Variants in PLOD1 observed in about 807,000 individuals in gnomAD.
PLOD1 encodes lysine hydroxylase.
A neutral mutation model predicts 94.7 loss-of-function variants in PLOD1; 70 were observed. The ratio of observed to expected loss-of-function variants is 0.74; its 90% CI spans 0.61 to 0.90. The LOEUF is 0.90. PLOD1 is among the 40% of genes least tolerant of loss of function. The pLI is 0.00. For missense variants in PLOD1, 905 were observed against 972.7 expected, an observed-to-expected ratio of 0.93 and a Z score of 0.93; for synonymous variants, 417 against 400.2, an observed-to-expected ratio of 1.04 and a Z score of -0.50.
At chr1:11,961,731 C>A (rs1359544142) in intron 10 of PLOD1, among the ~76,000 whole-genome samples, 1 of 152,032 alleles carries the variant, frequency 6.6e-6, no homozygotes, top group Non-Finnish European at 1.5e-5. Context: ...TGCCTCAGCC[C>A]CCCAAGAAGC....
chr1:11,962,944 G>A (rs1179966484), intron 10 of PLOD1, among the ~76,000 whole-genome samples: 1 of 152,114 alleles, frequency 6.6e-6, no homozygotes, highest in Non-Finnish European at 1.5e-5. Context: ...GGGAGGCAGA[G>A]GCAGGAGAAT....
Position 11,935,408 on chromosome 1 carries a change from T to TGTG in PLOD1, c.76+555_76+557dup, listed in dbSNP as rs1645571263. Among the ~76,000 whole-genome samples the TGTG allele has an allele frequency of 1.3e-5, 2 of 152,198 alleles. 1 individual carries two copies. The highest frequency in any genetic ancestry group is 4.1e-4 in the South Asian group (2 of 4,832). ...TGGGGGTAGAAGGTGTGGCTCACTT[T>TGTG]GTGGATAAGTTTGTGCTTTCATCCA... On this transcript the variant is annotated intron_variant, in intron 1 of 18. Coordinates refer to ENST00000196061, the MANE Select transcript of PLOD1 (RefSeq NM_000302.4).
At position 11,947,981 on chromosome 1, in the gene PLOD1, CT is replaced by C; in HGVS notation, c.86del (p.Leu29Ter). The C allele has an allele frequency of 1.2e-6, 2 of 1,609,982 alleles. No homozygotes were observed. Among genetic ancestry groups the C allele is most frequent in the Non-Finnish European group, 1.7e-6 (2 of 1,176,218 alleles). On this transcript the variant is annotated frameshift_variant, in exon 2 of 19. Transcript: ENST00000196061. LOFTEE classifies it high-confidence loss of function. ...AKGDAKPEDN[L>X]LVLTVATKET... is the part of the protein sequence containing the mutation. ...ATACCCTCCTCTGTCTGCAGACAAC[CT>C]TTTAGTCCTCACGGTGGCCACTAAG...
At chr1:11,935,903 G>A (rs1413979820) in intron 1 of PLOD1, among the ~76,000 whole-genome samples, 9 of 151,920 alleles carry the variant, frequency 5.9e-5, no homozygotes, top group South Asian at 2.1e-4. Flanking sequence ...GATTACAGGC[G>A]TGAGCCATCG....
In PLOD1 at chr1:11,958,253, G is replaced by T. The variant is rs1009510539; in HGVS notation, c.844-263G>T. Among the ~76,000 whole-genome samples, 1 of 151,746 alleles carries T rather than the reference G, an allele frequency of 6.6e-6. No individual in the cohort carries two copies. Among genetic ancestry groups the T allele is most frequent in the African/African-American group, 2.4e-5 (1 of 41,260 alleles). On this transcript the variant is annotated intron_variant, in intron 8 of 18. Coordinates refer to ENST00000196061, the MANE Select transcript of PLOD1 (RefSeq NM_000302.4). This position sits in a 1 kb window ranked among gnomAD's most constrained non-coding sequence, Gnocchi z 4.3. ...ATTTATGACTCACCTCGAACACCAC[G>T]CCAGCCACGATCTCCTGACAGCAGG...
rs930068563 is a variant in PLOD1 at position 11,963,326 on chromosome 1, T to G, written c.1098-206T>G. ...GGATTTTCAGGGCACTTGATACCAG[T>G]TGCCAACCTCTGGGCCTTGGGTGAG... On this transcript the variant is annotated intron_variant, in intron 10 of 18. Transcript: ENST00000196061. The surrounding 1 kb of genome is among the most constrained non-coding windows in gnomAD (Gnocchi z 4.3). Among the ~76,000 whole-genome samples the G allele has an allele frequency of 2.0e-5, 3 of 152,224 alleles. No individual in the cohort carries two copies. The highest frequency in any genetic ancestry group is 4.4e-5 in the Non-Finnish European group (3 of 68,040).
At chr1:11,968,819 C>T (rs1166486610) in intron 16 of PLOD1, among the ~76,000 whole-genome samples, 1 of 148,082 alleles carries the variant, frequency 6.8e-6, no homozygotes, top group Admixed American at 6.8e-5. Context: ...CCGGGCACCC[C>T]ACCTCTCATT....
At chr1:11,954,241 C>T (rs893802626) in intron 5 of PLOD1, 4 of 214,130 alleles carry the variant, frequency 1.9e-5, no homozygotes, top group Admixed American at 1.5e-4. Context: ...AGGCGGGGGG[C>T]GGGGGCGGAT....
At chr1:11,970,461 C>G (rs1024209189) in intron 16 of PLOD1, among the ~76,000 whole-genome samples, 1 of 152,106 alleles carries the variant, frequency 6.6e-6, no homozygotes, top group African/African-American at 2.4e-5. Flanking sequence ...GCAGATGACT[C>G]ACCTAGTAGG....
At position 11,974,832 on chromosome 1, in the gene PLOD1, A is replaced by T; in HGVS notation, c.*24A>T. 1 of 1,613,430 alleles carries T rather than the reference A, an allele frequency of 6.2e-7. No individual in the cohort carries two copies. The highest frequency in any genetic ancestry group is 8.5e-7 in the Non-Finnish European group (1 of 1,179,516). On this transcript the variant is annotated 3_prime_UTR_variant, in exon 19 of 19. Coordinates refer to ENST00000196061, the MANE Select transcript of PLOD1 (RefSeq NM_000302.4). ...AATTGGCCAGGCCTGACCCTCTTGG[A>T]CCTTTCTTCTTTGCCGACAACCACT...
Position 11,972,829 on chromosome 1 carries a change from C to A in PLOD1, c.1903-43C>A, listed in dbSNP as rs1489307368. The A allele has an allele frequency of 6.2e-7, 1 of 1,613,102 alleles. No homozygotes were observed. Among genetic ancestry groups the A allele is most frequent in the Admixed American group, 1.7e-5 (1 of 59,994 alleles). Reference sequence around the variant, plus strand: ...CCTCCTCTCCTGGCCTTTGTGTCCTCCTTAACTAACACGGGCTCTCTTGTC... The same window carrying A: ...CCTCCTCTCCTGGCCTTTGTGTCCTACTTAACTAACACGGGCTCTCTTGTC... On this transcript the variant is annotated intron_variant, in intron 17 of 18. Transcript: ENST00000196061. The surrounding 1 kb of genome is among the most constrained non-coding windows in gnomAD (Gnocchi z 4.6).
intron 14 of PLOD1, among the ~76,000 whole-genome samples, 163 bp from the exon 15 acceptor site, chr1:11,966,088 C>T (rs557888880): frequency 1.4e-4 from 21 of 152,230 alleles, no homozygotes; most frequent in African/African-American, 4.6e-4. Flanking sequence ...CCTATGGGCA[C>T]ACCTGTGCAC....
chr1:11,937,243 AGGCTT>A (rs1334601138), intron 1 of PLOD1, among the ~76,000 whole-genome samples: 14 of 152,098 alleles, frequency 9.2e-5, no homozygotes, highest in Non-Finnish European at 4.4e-5. Context: ...GCTCTCTGTG[AGGCTT>A]GGTGTTCTAG....
rs1249350642 is a variant in PLOD1 at position 11,964,104 on chromosome 1, C to T, written c.1203-71C>T. 5 of 1,492,190 alleles carry T rather than the reference C, an allele frequency of 3.4e-6. No homozygotes were observed. The African/African-American group carries it at 4.1e-5, about 12-fold the overall frequency. 92.4% of individuals were successfully genotyped at this position (1,492,190 alleles called of 1,614,324 possible). ...AGGTTGAGGGGCACCTACCTCCCCC[C>T]ATCCCTGGTTAGTGCTGTCTCCTAC... On this transcript the variant is annotated intron_variant, in intron 11 of 18. Coordinates refer to ENST00000196061, the MANE Select transcript of PLOD1 (RefSeq NM_000302.4).
In PLOD1 at chr1:11,972,785, C is replaced by T. The variant is rs969326297; in HGVS notation, c.1903-87C>T. 4 of 1,494,090 alleles carry T rather than the reference C, an allele frequency of 2.7e-6. No homozygotes were observed. The African/African-American group carries it at 5.5e-5, about 21-fold the overall frequency. 92.6% of individuals were successfully genotyped at this position (1,494,090 alleles called of 1,614,324 possible). ...GTAAGCTGACCTGCAGCAGGCCAGA[C>T]CAGGCCCCATGTGTGCACCCTCCTC... On this transcript the variant is annotated intron_variant, in intron 17 of 18. Transcript: ENST00000196061. The surrounding 1 kb of genome is among the most constrained non-coding windows in gnomAD (Gnocchi z 4.6).
In PLOD1 at chr1:11,963,779, C is replaced by T. The variant is rs542516729; in HGVS notation, c.1202+143C>T. On this transcript the variant is annotated intron_variant, in intron 11 of 18. Transcript: ENST00000196061. This position sits in a 1 kb window ranked among gnomAD's most constrained non-coding sequence, Gnocchi z 4.3. ...TTCTCCTGCTCCTCTTTCTCCTCCT[C>T]GTCTTCCTCCTTGTCTTCCTCCTCC... 421 of 697,476 alleles carry T rather than the reference C, an allele frequency of 6.0e-4. 1 individual carries two copies. The highest frequency in any genetic ancestry group is 5.9e-3 in the African/African-American group (340 of 57,150). The allele number at this position is 697,476 out of a possible 1,614,324, so 43.2% of individuals were successfully genotyped here.
intron 1 of PLOD1, among the ~76,000 whole-genome samples, chr1:11,937,882 C>T (rs999126126): frequency 1.3e-5 from 2 of 151,354 alleles, no homozygotes; most frequent in African/African-American, 4.9e-5. Context: ...GAGTTGGGCC[C>T]TTTGCTTCCC....
chr1:11,943,326 T>C (rs1440604705), intron 1 of PLOD1, among the ~76,000 whole-genome samples: 1 of 149,888 alleles, frequency 6.7e-6, no homozygotes, highest in Non-Finnish European at 1.5e-5. Flanking sequence ...GACAGAGTTT[T>C]GTTCTTGTCG....
chr1:11,957,009 A>T lies in PLOD1; in HGVS notation c.736A>T (p.Thr246Ser), dbSNP rs775496572. 16 of 1,609,340 alleles carry T rather than the reference A, an allele frequency of 9.9e-6. No homozygotes were observed. Among genetic ancestry groups the T allele is most frequent in the Non-Finnish European group, 1.4e-5 (16 of 1,175,668 alleles). Residue 246 changes from threonine to serine, a missense_variant, in exon 7 of 19, where the codon ACC (threonine) becomes TCC (serine). Transcript: ENST00000196061. This position sits in a 1 kb window ranked among gnomAD's most constrained non-coding sequence, Gnocchi z 4.1. ...GGTCCTGATCCATGGCAACGGGCCA[A>T]CCAAGGTAGGGGGTCCCCAGCCCCT... ...LPVLIHGNGP[T>S]KLQLNYLGNY...
Sources: gnomAD v4.1 joint callset for allele counts (sites outside exome capture counted in the v4.1 genomes callset) on GRCh38, gnomAD v4.1.1 for gene constraint, Gnocchi (gnomAD v3.1) non-coding constraint, MANE v1.5 for transcripts, NCBI Gene and HGNC (gene_info 2026-07-23, HGNC 2026-07-21) for gene names.